ZNF445: variants seen among roughly 807,000 people sequenced by gnomAD.
ZNF445 encodes zinc finger protein 445.
ZNF445 carries 19 observed loss-of-function variants against 93.9 expected under a neutral mutation model. The ratio of observed to expected loss-of-function variants is 0.20; its 90% CI spans 0.14 to 0.30. ZNF445 has a LOEUF of 0.30. Among genes scored for constraint, ZNF445 ranks in the 10% least tolerant of loss-of-function variants. ZNF445 has a pLI of 1.00. For synonymous variants in ZNF445, 449 were observed against 446.3 expected, an observed-to-expected ratio of 1.01 and a Z score of -0.08; for missense variants, 1,058 against 1,259.4, an observed-to-expected ratio of 0.84 and a Z score of 2.42.
chr3:44,451,292 C>A, intron 4 of ZNF445, 22 bp downstream of exon 4: 1 of 1,610,216 alleles, frequency 6.2e-7, no homozygotes, highest in Admixed American at 1.7e-5. Flanking sequence ...AGGCTGGGGT[C>A]TTAAGGCCAG....
chr3:44,459,591 C>A (rs568235337), intron 1 of ZNF445, among the ~76,000 whole-genome samples: 1 of 152,228 alleles, frequency 6.6e-6, no homozygotes, highest in East Asian at 1.9e-4. Flanking sequence ...TTTGTTCTAC[C>A]TGATATTAAG....
chr3:44,471,160 T>C lies in ZNF445; in HGVS notation c.-269+6431A>G, dbSNP rs572881359. On this transcript the variant is annotated intron_variant, in intron 1 of 7. Transcript: ENST00000396077. ...ATCAGCTGACTCTGTACAGATCACCTGCATCCAGAATTTCTCTAATATGAC... is the reference window on the plus strand; with the variant it reads ...ATCAGCTGACTCTGTACAGATCACCCGCATCCAGAATTTCTCTAATATGAC... Among the ~76,000 whole-genome samples, 153 of 152,314 alleles carry C rather than the reference T, an allele frequency of 1.0e-3. 1 individual carries two copies. The highest frequency in any genetic ancestry group is 3.6e-3 in the African/African-American group (149 of 41,574).
In ZNF445 at chr3:44,448,059, C is replaced by G; in HGVS notation, c.1612G>C (p.Val538Leu). 2 of 1,612,480 alleles carry G rather than the reference C, an allele frequency of 1.2e-6. No homozygotes were observed. Among genetic ancestry groups the G allele is most frequent in the South Asian group, 2.2e-5 (2 of 91,074 alleles). The stretch of plus-strand genomic sequence containing the variant: ...CATAAATCGCATTTATAAGGCTTCA[C>G]TCCAGTGTGAATTTTCTCATGCCGC... The part of the protein sequence containing the change: ...CARHEKIHTG[V>L]KPYKCDLCEK... The change falls in exon 8 of 8, where the codon GTG becomes CTG. Residue 538 changes from valine (V) to leucine (L), a missense_variant. By Grantham distance (32) the Val-to-Leu change is conservative. Coordinates refer to ENST00000396077, the MANE Select transcript of ZNF445 (RefSeq NM_181489.6).
At chr3:44,462,861 AT>A (rs1009075664) in intron 1 of ZNF445, among the ~76,000 whole-genome samples, 1 of 152,054 alleles carries the variant, frequency 6.6e-6, no homozygotes, top group South Asian at 2.1e-4. Flanking sequence ...ATTTTGAAGA[AT>A]TTTTTTTAAG....
Position 44,447,735 on chromosome 3 carries a change from A to G in ZNF445, c.1936T>C (p.Leu646=). ...WRSNFTRHMR[L]HEEEKFYKQD... ...TTGTAGAATTTTTCCTCCTCATGCA[A>G]CCTCATATGACGAGTAAAGTTTGAT... Residue 646 remains leucine, a synonymous_variant, in exon 8 of 8, where the codon TTG becomes CTG. Transcript: ENST00000396077. The surrounding 1 kb of genome is among the most constrained non-coding windows in gnomAD (Gnocchi z 4.7). 6.2e-7 allele frequency: 1 copy of G among 1,614,102 alleles called. No homozygotes were observed. Among genetic ancestry groups the G allele is most frequent in the Non-Finnish European group, 8.5e-7 (1 of 1,180,020 alleles).
chr3:44,447,501 A>C lies in ZNF445; in HGVS notation c.2170T>G (p.Phe724Val). 1 of 1,614,246 alleles carries C rather than the reference A, an allele frequency of 6.2e-7. No individual in the cohort carries two copies. ...CGKDFAYRSA[F>V]IVHKKKHAMK... is the part of the protein sequence containing the mutation. Reference sequence around the variant, plus strand: ...GCATGCTTCTTCTTATGAACAATAAAGGCTGACCTATAGGCAAAGTCCTTC... The same window carrying C: ...GCATGCTTCTTCTTATGAACAATAACGGCTGACCTATAGGCAAAGTCCTTC... Residue 724 changes from phenylalanine (F) to valine (V), a missense_variant, in exon 8 of 8, where the codon TTT (phenylalanine) becomes GTT (valine). Physicochemically the swap from Phe to Val is conservative, Grantham distance 50. Around this residue, in one of 3 missense-constraint regions of ZNF445, gnomAD observed 387 missense variants for 475.7 expected, o/e 0.81. Transcript: ENST00000396077. The surrounding 1 kb of genome is among the most constrained non-coding windows in gnomAD (Gnocchi z 4.7).
In ZNF445 at chr3:44,434,594, G is replaced by A. The variant is rs968613930; in HGVS notation, c.*11981C>T. The A allele has an allele frequency of 6.6e-6, 1 of 152,192 alleles. No homozygotes were observed. Among genetic ancestry groups the A allele is most frequent in the African/African-American group, 2.4e-5 (1 of 41,442 alleles). The allele number at this position is 152,192 out of a possible 1,614,324, so 9.4% of individuals were successfully genotyped here. ...ATATAATGGACCAGTGTGTCGTCCTGAGGGTGAAAAGGTTCTCAAAGGACC... is the reference window on the plus strand; with the variant it reads ...ATATAATGGACCAGTGTGTCGTCCTAAGGGTGAAAAGGTTCTCAAAGGACC... On this transcript the variant is annotated 3_prime_UTR_variant, in exon 8 of 8. Transcript: ENST00000396077.
Position 44,447,017 on chromosome 3 carries a change from T to C in ZNF445, c.2654A>G (p.Asn885Ser). ...CTCTGTAGAGTGGATCCTCTGATGG[T>C]TAACAAGGCGATAGTTTCTATCATA... ...KSYDRNYRLV[N>S]HQRIHSTERP... Residue 885 changes from asparagine (N) to serine (S), a missense_variant, in exon 8 of 8, where the codon AAC (asparagine) becomes AGC (serine). Physicochemically the swap from Asn to Ser is conservative, Grantham distance 46. Transcript: ENST00000396077. The surrounding 1 kb of genome is among the most constrained non-coding windows in gnomAD (Gnocchi z 4.7). 6.2e-7 allele frequency: 1 copy of C among 1,614,182 alleles called. No homozygotes were observed. The highest frequency in any genetic ancestry group is 8.5e-7 in the Non-Finnish European group (1 of 1,180,036).
Position 44,469,940 on chromosome 3 carries a change from G to A in ZNF445, c.-269+7651C>T, listed in dbSNP as rs151310519. Among the ~76,000 whole-genome samples, 510 of 152,218 alleles carry A rather than the reference G, an allele frequency of 3.4e-3. 2 individuals carry two copies. Among genetic ancestry groups the A allele is most frequent in the Middle Eastern group, 0.01 (3 of 294 alleles). ...TCTTGTAAGGAAATGTCTCAGGCCC[G>A]AGGCCACTCTTTTTTCTCACTCTGT... is the stretch of plus-strand genomic sequence containing the variant. On this transcript the variant is annotated intron_variant, in intron 1 of 7. Transcript: ENST00000396077.
rs1697715120 is a variant in ZNF445 at position 44,437,759 on chromosome 3, T to C, written c.*8816A>G. ...TGGGGTTGGGGGGATTTCTTCAGTA[T>C]CATCCTTTCTGTGGTTTGCCAGAAA... On this transcript the variant is annotated 3_prime_UTR_variant, in exon 8 of 8. Coordinates refer to ENST00000396077, the MANE Select transcript of ZNF445 (RefSeq NM_181489.6). 1 of 152,356 alleles carries C rather than the reference T, an allele frequency of 6.6e-6. No homozygotes were observed. Among genetic ancestry groups the C allele is most frequent in the South Asian group, 2.1e-4 (1 of 4,832 alleles). 9.4% of individuals were successfully genotyped at this position (152,356 alleles called of 1,614,324 possible). A position where few individuals can be genotyped will look rare whatever the true frequency, so the allele number is the denominator to read the frequency against.
chr3:44,436,487 A>G lies in ZNF445; in HGVS notation c.*10088T>C, dbSNP rs574176710. The G allele has an allele frequency of 6.6e-6, 1 of 152,372 alleles. No individual in the cohort carries two copies. The highest frequency in any genetic ancestry group is 6.5e-5 in the Admixed American group (1 of 15,302). The allele number at this position is 152,372 out of a possible 1,614,324, so 9.4% of individuals were successfully genotyped here. On this transcript the variant is annotated 3_prime_UTR_variant, in exon 8 of 8. Transcript: ENST00000396077. ...TACATGAATTTATTTCTCATAATGA[A>G]GTGTCCTCTGGACCCTCCCTGGGTG... is the stretch of plus-strand genomic sequence containing the variant.
At chr3:44,471,623 C>T (rs1335460534) in intron 1 of ZNF445, among the ~76,000 whole-genome samples, 3 of 152,208 alleles carry the variant, frequency 2.0e-5, no homozygotes, top group Non-Finnish European at 4.4e-5. Context: ...TCAGCAAGTG[C>T]TGCTAATACT....
chr3:44,433,073 T>C lies in ZNF445; in HGVS notation c.*13502A>G, dbSNP rs1266633356. The C allele has an allele frequency of 2.0e-5, 3 of 151,566 alleles. No homozygotes were observed. The highest frequency in any genetic ancestry group is 4.9e-5 in the African/African-American group (2 of 41,212). 9.4% of individuals were successfully genotyped at this position (151,566 alleles called of 1,614,324 possible). On this transcript the variant is annotated 3_prime_UTR_variant, in exon 8 of 8. Transcript: ENST00000396077. ...AAACTGAAGTACCACAGGAAGGAGA[T>C]ACTCTCCATCTCTCACCACCCAAAG...
intron 1 of ZNF445, among the ~76,000 whole-genome samples, chr3:44,475,344 G>A (rs1261398441): frequency 6.6e-6 from 1 of 151,764 alleles, no homozygotes; most frequent in East Asian, 2.0e-4. Flanking sequence ...GATTACAGGT[G>A]CCCGCCACCA....
intron 1 of ZNF445, among the ~76,000 whole-genome samples, chr3:44,476,690 G>A (rs559160488): frequency 6.6e-6 from 1 of 152,284 alleles, no homozygotes; most frequent in South Asian, 2.1e-4. Context: ...TTAGGCCTGT[G>A]CAAGTCAGAG....
At chr3:44,476,696 C>G (rs528289406) in intron 1 of ZNF445, among the ~76,000 whole-genome samples, 57 of 152,284 alleles carry the variant, frequency 3.7e-4, no homozygotes, top group African/African-American at 1.3e-3. Context: ...CTGTGCAAGT[C>G]AGAGTGTGCT....
chr3:44,465,727 A>G (rs1276454809), intron 1 of ZNF445, among the ~76,000 whole-genome samples: 3 of 152,336 alleles, frequency 2.0e-5, no homozygotes, highest in African/African-American at 7.2e-5. Context: ...AGCCTGGCCA[A>G]CATGGTGAAA....
At chr3:44,451,183 G>A in intron 4 of ZNF445, 131 bp downstream of exon 4, 1 of 1,221,654 alleles carries the variant, frequency 8.2e-7, no homozygotes, top group South Asian at 1.4e-5. Context: ...TAGAATGGAT[G>A]GAGAGGACAG....
Position 44,433,195 on chromosome 3 carries a change from C to T in ZNF445, c.*13380G>A, listed in dbSNP as rs936856317. 2.6e-5 allele frequency: 4 copies of T among 151,766 alleles called. No homozygotes were observed. Among genetic ancestry groups the T allele is most frequent in the Non-Finnish European group, 2.9e-5 (2 of 68,038 alleles). 9.4% of individuals were successfully genotyped at this position (151,766 alleles called of 1,614,324 possible). On this transcript the variant is annotated 3_prime_UTR_variant, in exon 8 of 8. Coordinates refer to ENST00000396077, the MANE Select transcript of ZNF445 (RefSeq NM_181489.6). ...GTGGCACTATCTCGGCTCACCACAACGTCCGCCTCCCAGGTTCAAACGATT... is the reference window on the plus strand; with the variant it reads ...GTGGCACTATCTCGGCTCACCACAATGTCCGCCTCCCAGGTTCAAACGATT...
Sources: gnomAD v4.1 joint callset for allele counts (sites outside exome capture counted in the v4.1 genomes callset) on GRCh38, gnomAD v4.1.1 for gene constraint, gnomAD v4.1.1 regional missense constraint, Gnocchi (gnomAD v3.1) non-coding constraint, MANE v1.5 for transcripts, NCBI Gene and HGNC (gene_info 2026-07-23, HGNC 2026-07-21) for gene names.